Variants in WASF2 observed in about 807,000 individuals in gnomAD.
The protein encoded by WASF2 is WASP family member 2.
Under a neutral mutation model 45.0 loss-of-function variants are expected in WASF2, and 14 were observed. The observed-to-expected ratio is 0.31, with a 90% CI of 0.21 to 0.49. WASF2 has a LOEUF of 0.49. WASF2 is among the 20% of genes least tolerant of loss of function. WASF2 has a pLI of 0.99. For missense variants in WASF2, 439 were observed against 636.1 expected, an observed-to-expected ratio of 0.69 and a Z score of 3.33; for synonymous variants, 200 against 236.3, an observed-to-expected ratio of 0.85 and a Z score of 1.41.
In WASF2 at chr1:27,489,250, G is replaced by GCACA. The variant is rs1023392585; in HGVS notation, c.-44+735_-44+736insTGTG. 8.1e-4 allele frequency among the ~76,000 whole-genome samples: 91 copies of GCACA among 111,668 alleles called. 3 individuals are homozygous for GCACA. Among genetic ancestry groups the GCACA allele is most frequent in the African/African-American group, 3.3e-3 (85 of 25,644 alleles). 73.3% of individuals were successfully genotyped at this position (111,668 alleles called of 152,430 possible). On this transcript the variant is annotated intron_variant, in intron 1 of 8. Transcript: ENST00000618852. ...TTACTCTGCAGACTATCCTGTACGC[G>GCACA]CGCACACACACACACACACACACAC...
chr1:27,485,612 A>C (rs2017912575), intron 1 of WASF2, among the ~76,000 whole-genome samples: 1 of 152,204 alleles, frequency 6.6e-6, no homozygotes, highest in Non-Finnish European at 1.5e-5. Flanking sequence ...AAACAACAAA[A>C]GGTGTCTGTC....
intron 4 of WASF2, 21 bp downstream of exon 4, chr1:27,418,248 G>C (rs1184702909): frequency 6.2e-7 from 1 of 1,603,926 alleles, no homozygotes; most frequent in South Asian, 1.1e-5. Context: ...TTGAAAAAGG[G>C]AGGAACTAGC....
chr1:27,409,574 C>A (rs1210905994), intron 8 of WASF2, 118 bp downstream of exon 8: 1 of 1,325,852 alleles, frequency 7.5e-7, no homozygotes, highest in East Asian at 2.8e-5. Context: ...TCTCTCCCCA[C>A]CCAATGAAAG....
At chr1:27,449,386 G>A (rs957660227) in intron 1 of WASF2, among the ~76,000 whole-genome samples, 1 of 152,202 alleles carries the variant, frequency 6.6e-6, no homozygotes, top group East Asian at 1.9e-4. Flanking sequence ...ATCACTTGAG[G>A]TCAGGAGTTC....
chr1:27,423,699 T>C (rs935485719), intron 2 of WASF2, among the ~76,000 whole-genome samples: 13 of 152,198 alleles, frequency 8.5e-5, no homozygotes, highest in Non-Finnish European at 1.6e-4. Flanking sequence ...CCAACATTCA[T>C]ACAGATACCA....
At chr1:27,468,090 C>A (rs2017640059) in intron 1 of WASF2, among the ~76,000 whole-genome samples, 1 of 152,094 alleles carries the variant, frequency 6.6e-6, no homozygotes, top group African/African-American at 2.4e-5. Context: ...CATGCCACCA[C>A]AAGCAGCTAA....
intron 1 of WASF2, among the ~76,000 whole-genome samples, chr1:27,437,785 T>A (rs990127924): frequency 6.6e-6 from 1 of 152,218 alleles, no homozygotes; most frequent in Non-Finnish European, 1.5e-5. Flanking sequence ...TTACTCCTAA[T>A]AAGGTATCAG....
At chr1:27,427,048 A>G (rs989332078) in intron 2 of WASF2, among the ~76,000 whole-genome samples, 9 of 152,152 alleles carry the variant, frequency 5.9e-5, no homozygotes, top group African/African-American at 2.2e-4. Flanking sequence ...CCTGGAGGGC[A>G]GAGACAATTT....
At chr1:27,473,992 AGGAAACCAGAGTACCTGGAG>A (rs1039082107) in intron 1 of WASF2, among the ~76,000 whole-genome samples, 1 of 152,200 alleles carries the variant, frequency 6.6e-6, no homozygotes, top group African/African-American at 2.4e-5. Context: ...GTGATGCGGG[AGGAAACCAGAGTACCTGGAG>A]GGAAACCAAA....
rs1464857212 is a variant in WASF2, at chr1:27,405,133, G to A, written c.*3056C>T. On this transcript the variant is annotated 3_prime_UTR_variant, in exon 9 of 9. Transcript: ENST00000618852. ...TCAGAGGATGGGCGCCACGGGAAGA[G>A]ATTTCACATTAGCCGTGACAACACC... is the stretch of plus-strand genomic sequence containing the variant. The A allele has an allele frequency of 6.6e-6, 1 of 152,322 alleles. No homozygotes were observed. The highest frequency in any genetic ancestry group is 1.5e-5 in the Non-Finnish European group (1 of 68,086). 9.4% of individuals were successfully genotyped at this position (152,322 alleles called of 1,614,324 possible).
intron 1 of WASF2, among the ~76,000 whole-genome samples, chr1:27,453,090 T>A (rs900727834): frequency 2.0e-5 from 3 of 150,092 alleles, no homozygotes; most frequent in African/African-American, 7.4e-5. Flanking sequence ...AGCTGCAGTC[T>A]CAGCTACTCA....
chr1:27,440,792 G>A (rs2017213741), intron 1 of WASF2, among the ~76,000 whole-genome samples: 1 of 151,982 alleles, frequency 6.6e-6, no homozygotes. Flanking sequence ...GAATAGTTAT[G>A]TACCACATAA....
intron 4 of WASF2, among the ~76,000 whole-genome samples, chr1:27,417,694 G>A (rs2016845662): frequency 6.6e-6 from 1 of 152,240 alleles, no homozygotes; most frequent in South Asian, 2.1e-4. Context: ...AGGCACAGCA[G>A]AGTAGGTCCT....
intron 7 of WASF2, among the ~76,000 whole-genome samples, chr1:27,411,969 T>C (rs952043094): frequency 2.6e-5 from 4 of 152,214 alleles, no homozygotes; most frequent in Admixed American, 2.0e-4. Flanking sequence ...GTTAAGAATA[T>C]AGGTTCTGGA....
At position 27,424,506 on chromosome 1, in the gene WASF2, AATAC is replaced by A. The variant is rs2016949884; in HGVS notation, c.130+4251_130+4254del. ...TAGACACTGGGGTTCAAGAACAAAC[AATAC>A]ATGATTTCTACCTTCAACAATTTTT... On this transcript the variant is annotated intron_variant, in intron 2 of 8. Coordinates refer to ENST00000618852, the MANE Select transcript of WASF2 (RefSeq NM_006990.5). 2.7e-5 allele frequency among the ~76,000 whole-genome samples: 4 copies of A among 150,240 alleles called. No homozygotes were observed. In the South Asian group the frequency reaches 8.4e-4, roughly 32 times the overall value.
chr1:27,487,590 T>A lies in WASF2; in HGVS notation c.-44+2396A>T, dbSNP rs1226830169. Among the ~76,000 whole-genome samples the A allele has an allele frequency of 2.1e-3, 205 of 96,574 alleles. 1 individual carries two copies. Among genetic ancestry groups the A allele is most frequent in the Middle Eastern group, 4.3e-3 (1 of 234 alleles). 63.4% of individuals were successfully genotyped at this position (96,574 alleles called of 152,430 possible). On this transcript the variant is annotated intron_variant, in intron 1 of 8. Coordinates refer to ENST00000618852, the MANE Select transcript of WASF2 (RefSeq NM_006990.5). ...AATATATAATATATATTATATATAT[T>A]TTATATAATATATAATATATATTAT...
At chr1:27,452,621 A>G (rs1248011440) in intron 1 of WASF2, among the ~76,000 whole-genome samples, 1 of 151,624 alleles carries the variant, frequency 6.6e-6, no homozygotes, top group African/African-American at 2.4e-5. Context: ...GTTCGAGACC[A>G]GCCTGGCCAA....
At chr1:27,418,518 T>C in intron 3 of WASF2, 96 bp from the exon 4 acceptor site, 1 of 1,538,214 alleles carries the variant, frequency 6.5e-7, no homozygotes, top group South Asian at 1.2e-5. Flanking sequence ...GCTGCACTTC[T>C]TGGCTGTGGC....
chr1:27,454,674 A>G (rs2017443867), intron 1 of WASF2, among the ~76,000 whole-genome samples: 1 of 152,102 alleles, frequency 6.6e-6, no homozygotes, highest in Admixed American at 6.5e-5. Flanking sequence ...GTGTCTCACT[A>G]TATTGCCCAG....
Sources: allele counts gnomAD v4.1 joint callset (sites outside exome capture counted in the v4.1 genomes callset), GRCh38; gene constraint gnomAD v4.1.1; transcripts MANE v1.5; gene names NCBI Gene and HGNC (gene_info 2026-07-23, HGNC 2026-07-21).